GARNL3: variants seen among roughly 807,000 people sequenced by gnomAD.
The protein encoded by GARNL3 is GTPase activating Rap/RanGAP domain like 3.
Under a neutral mutation model 125.0 loss-of-function variants are expected in GARNL3, and 63 were observed. The observed-to-expected ratio is 0.50, with a 90% CI of 0.41 to 0.62. The LOEUF is 0.62. GARNL3 is among the 20% of genes least tolerant of loss of function. GARNL3 has a pLI of 0.00. For synonymous variants in GARNL3, 439 were observed against 457.5 expected (o/e 0.96, Z 0.52); for missense variants, 994 against 1,244.0 (o/e 0.80, Z 3.02).
chr9:127,268,058 C>T (rs1224897806), intron 1 of GARNL3, among the ~76,000 whole-genome samples: 2 of 152,308 alleles, frequency 1.3e-5, no homozygotes, highest in South Asian at 2.1e-4. Flanking sequence ...GGGAGAACTA[C>T]TTAGCATTCT....
intron 2 of GARNL3, among the ~76,000 whole-genome samples, chr9:127,249,837 G>A (rs1189399427): frequency 4.0e-5 from 6 of 151,898 alleles, no homozygotes; most frequent in African/African-American, 9.7e-5. Context: ...GTGAAACCCC[G>A]TCTCTACTAA....
intron 2 of GARNL3, among the ~76,000 whole-genome samples, chr9:127,306,959 C>T (rs1290179509): frequency 6.6e-6 from 1 of 151,960 alleles, no homozygotes; most frequent in Non-Finnish European, 1.5e-5. Context: ...CTCATAAATA[C>T]TGTAATTTTG....
intron 1 of GARNL3, among the ~76,000 whole-genome samples, chr9:127,278,176 A>G (rs1420470852): frequency 3.3e-5 from 5 of 152,250 alleles, no homozygotes; most frequent in Non-Finnish European, 7.3e-5. Flanking sequence ...AATATACTGA[A>G]AAGCACAGAG....
chr9:127,351,931 C>G (rs1338488766), intron 17 of GARNL3, among the ~76,000 whole-genome samples: 1 of 152,238 alleles, frequency 6.6e-6, no homozygotes, highest in African/African-American at 2.4e-5. Flanking sequence ...CTTGCCTCCT[C>G]CTCCTTCTTG....
chr9:127,328,524 A>C (rs564258744), intron 7 of GARNL3, among the ~76,000 whole-genome samples: 1 of 152,314 alleles, frequency 6.6e-6, no homozygotes, highest in African/African-American at 2.4e-5. Flanking sequence ...TGTTTGCTGC[A>C]TAGAGAGGCA....
intron 7 of GARNL3, among the ~76,000 whole-genome samples, chr9:127,331,123 G>C (rs181296205): frequency 6.6e-6 from 1 of 151,972 alleles, no homozygotes; most frequent in East Asian, 1.9e-4. Flanking sequence ...TCCAACATTT[G>C]ATTTTGTGTT....
chr9:127,267,352 T>G (rs1367700168), intron 1 of GARNL3, among the ~76,000 whole-genome samples: 1 of 152,214 alleles, frequency 6.6e-6, no homozygotes, highest in African/African-American at 2.4e-5. Flanking sequence ...TTCCAGTCCT[T>G]ATAGCTACAA....
intron 2 of GARNL3, among the ~76,000 whole-genome samples, chr9:127,248,932 C>A (rs2063351957): frequency 6.6e-6 from 1 of 152,004 alleles, no homozygotes; most frequent in Admixed American, 6.6e-5. Context: ...TTTCATTTGC[C>A]TGACTTCTGT....
At chr9:127,340,049 CT>C (rs1453707981) in intron 13 of GARNL3, among the ~76,000 whole-genome samples, 1 of 152,048 alleles carries the variant, frequency 6.6e-6, no homozygotes, top group African/African-American at 2.4e-5. Context: ...ATTGCTGAAT[CT>C]CTGCTTGTAT....
intron 1 of GARNL3, chr9:127,225,182 G>C (rs2062882599): frequency 5.7e-6 from 1 of 174,416 alleles, no homozygotes; most frequent in Non-Finnish European, 1.1e-5. Context: ...GTTCGGGGCG[G>C]CGCCGGGGCG....
chr9:127,314,777 A>G (rs1358054243), intron 4 of GARNL3, among the ~76,000 whole-genome samples: 2 of 152,208 alleles, frequency 1.3e-5, no homozygotes, highest in African/African-American at 2.4e-5. Flanking sequence ...ATATGACATT[A>G]TAAGTTGTGA....
rs547109435 is a variant in GARNL3, at chr9:127,265,076, T to C, written c.144+55T>C. 14 of 1,471,022 alleles carry C rather than the reference T, an allele frequency of 9.5e-6. No homozygotes were observed. In the South Asian group the frequency reaches 1.7e-4, roughly 17 times the overall value. The allele number at this position is 1,471,022 out of a possible 1,614,324, so 91.1% of individuals were successfully genotyped here. On this transcript the variant is annotated intron_variant, in intron 1 of 27. Transcript: ENST00000373387. ...TACATTGATTTAGATTTAGAGACGA[T>C]TGCCAAGCTCATCAGATCTTTTGTT...
intron 17 of GARNL3, among the ~76,000 whole-genome samples, chr9:127,353,273 C>A (rs1830507121): frequency 6.6e-6 from 1 of 152,050 alleles, no homozygotes; most frequent in Non-Finnish European, 1.5e-5. Flanking sequence ...ATTTCCTATT[C>A]CTTTGGGAAA....
intron 17 of GARNL3, among the ~76,000 whole-genome samples, chr9:127,351,587 A>G (rs1226434742): frequency 1.3e-5 from 2 of 152,128 alleles, no homozygotes; most frequent in Non-Finnish European, 2.9e-5. Flanking sequence ...ATTTAATCAT[A>G]TTATGAAATG....
chr9:127,340,538 G>A (rs1409091401), intron 13 of GARNL3, among the ~76,000 whole-genome samples: 1 of 151,722 alleles, frequency 6.6e-6, no homozygotes. Context: ...GCTGGGCATT[G>A]CAGCTGCTTT....
rs6478765 is a variant in GARNL3 at position 127,242,195 on chromosome 9, T to G, written c.-28-884T>G. Among the ~76,000 whole-genome samples the G allele has an allele frequency of 0.15, 22,700 of 152,048 alleles. 5,160 individuals carry two copies. The highest frequency in any genetic ancestry group is 0.49 in the African/African-American group (20,428 of 41,368). The stretch of plus-strand genomic sequence containing the variant: ...TTTCTTTTTTAAATTCACTCGCGAC[T>G]CCAGCCAGAGATGTCACGTTTCTTA... On this transcript the variant is annotated intron_variant, in intron 1 of 10. Transcript: ENST00000439286. This position sits in a 1 kb window ranked among gnomAD's most constrained non-coding sequence, Gnocchi z 4.6.
intron 2 of GARNL3, among the ~76,000 whole-genome samples, chr9:127,309,083 C>T (rs574911897): frequency 2.4e-4 from 37 of 152,118 alleles, no homozygotes; most frequent in African/African-American, 8.7e-4. Flanking sequence ...TCCAGAAAAT[C>T]TGATAAAAGC....
Position 127,306,456 on chromosome 9 carries a change from G to A in GARNL3, c.220-5180G>A, listed in dbSNP as rs186042308. Among the ~76,000 whole-genome samples, 258 of 151,974 alleles carry A rather than the reference G, an allele frequency of 1.7e-3. 1 individual carries two copies. The highest frequency in any genetic ancestry group is 5.5e-3 in the African/African-American group (226 of 41,454). On this transcript the variant is annotated intron_variant, in intron 2 of 27. Coordinates refer to ENST00000373387, the MANE Select transcript of GARNL3 (RefSeq NM_032293.5). ...AATGCAGTCAAGTGTGGCCGGGCGC[G>A]GTGGCTCACGCCTGTAATCCCAACA... is the stretch of plus-strand genomic sequence containing the variant.
chr9:127,383,760 T>G (rs1832398047), intron 23 of GARNL3, among the ~76,000 whole-genome samples: 2 of 152,250 alleles, frequency 1.3e-5, no homozygotes, highest in African/African-American at 4.8e-5. Context: ...TTTCTCTCAG[T>G]GCCTGAGCAT....
Sources: allele counts gnomAD v4.1 joint callset (sites outside exome capture counted in the v4.1 genomes callset), GRCh38; gene constraint gnomAD v4.1.1; non-coding constraint Gnocchi (gnomAD v3.1); transcripts MANE v1.5; gene names NCBI Gene and HGNC (gene_info 2026-07-23, HGNC 2026-07-21).